Variants in TENM4 observed in about 807,000 individuals in gnomAD.
The protein encoded by TENM4 is teneurin-4.
In TENM4, 82 loss-of-function variants were observed where a neutral mutation model predicts 243.3. That is an observed-to-expected ratio of 0.34 (90% CI 0.28 to 0.40). The LOEUF (loss-of-function observed/expected upper bound fraction) is 0.40, where lower values mean the gene tolerates loss of function less well. Ranked by LOEUF, TENM4 falls within the 10% of genes least tolerant of loss-of-function variation. TENM4 has a pLI of 1.00. For synonymous variants in TENM4, 1,412 were observed against 1,456.3 expected (o/e 0.97, Z 0.69); for missense variants, 3,138 against 3,673.3 (o/e 0.85, Z 3.77).
At chr11:78,894,865 G>A (rs569255109) in intron 7 of TENM4, among the ~76,000 whole-genome samples, 161 of 151,382 alleles carry the variant, frequency 1.1e-3, no homozygotes, top group African/African-American at 3.6e-3. Flanking sequence ...ATGGTGCCAC[G>A]TGCCTGTAGT....
At chr11:79,157,193 A>T (rs894476173) in intron 3 of TENM4, among the ~76,000 whole-genome samples, 1 of 152,146 alleles carries the variant, frequency 6.6e-6, no homozygotes, top group Non-Finnish European at 1.5e-5. Context: ...TGGTCATTCT[A>T]AGTCCCATTT....
intron 3 of TENM4, among the ~76,000 whole-genome samples, chr11:79,173,408 C>A (rs1863090510): frequency 6.6e-6 from 1 of 152,036 alleles, no homozygotes; most frequent in Non-Finnish European, 1.5e-5. Context: ...TTCTTCTTGG[C>A]AGTTGGCAAC....
At chr11:79,214,340 C>G (rs969457773) in intron 3 of TENM4, among the ~76,000 whole-genome samples, 1 of 152,172 alleles carries the variant, frequency 6.6e-6, no homozygotes, top group African/African-American at 2.4e-5. Context: ...ACCTATGTCT[C>G]TACTGCACAG....
At chr11:78,763,628 C>T (rs976808851) in intron 18 of TENM4, among the ~76,000 whole-genome samples, 4 of 152,132 alleles carry the variant, frequency 2.6e-5, no homozygotes, top group African/African-American at 9.7e-5. Flanking sequence ...ACCCGGAGAA[C>T]GAGGGAAAGG....
At chr11:79,163,948 G>C (rs1407701340) in intron 3 of TENM4, among the ~76,000 whole-genome samples, 1 of 135,738 alleles carries the variant, frequency 7.4e-6, no homozygotes, top group Non-Finnish European at 1.5e-5. Flanking sequence ...TATCTATATA[G>C]TACTATATAT....
At chr11:79,351,820 C>A (rs1399381369) in intron 1 of TENM4, among the ~76,000 whole-genome samples, 1 of 152,036 alleles carries the variant, frequency 6.6e-6, no homozygotes, top group Non-Finnish European at 1.5e-5. Flanking sequence ...TCCCTTTTTT[C>A]TGTTGAGGGC....
chr11:78,768,815 C>G (rs776300520), intron 18 of TENM4, among the ~76,000 whole-genome samples: 2 of 152,150 alleles, frequency 1.3e-5, no homozygotes, highest in Admixed American at 6.5e-5. Flanking sequence ...ACCTCTCTCT[C>G]CCCCCGAGCT....
At chr11:79,236,755 C>T (rs1026659938) in intron 2 of TENM4, among the ~76,000 whole-genome samples, 5 of 152,154 alleles carry the variant, frequency 3.3e-5, no homozygotes, top group African/African-American at 9.7e-5. Flanking sequence ...GACTCCCTTG[C>T]GGCGAGACCC....
intron 17 of TENM4, among the ~76,000 whole-genome samples, chr11:78,774,672 G>A (rs1014543530): frequency 1.1e-4 from 17 of 152,196 alleles, no homozygotes; most frequent in Non-Finnish European, 2.4e-4. Context: ...TATGGGGGGA[G>A]TTGGGAAAGT....
chr11:78,746,439 C>T (rs915842845), intron 19 of TENM4, among the ~76,000 whole-genome samples: 1 of 152,268 alleles, frequency 6.6e-6, no homozygotes, highest in East Asian at 1.9e-4. Flanking sequence ...CGTGAGCTCC[C>T]AGGCTGCAGA....
chr11:79,192,498 T>C (rs1373799264), intron 3 of TENM4, among the ~76,000 whole-genome samples: 1 of 152,222 alleles, frequency 6.6e-6, no homozygotes, highest in African/African-American at 2.4e-5. Flanking sequence ...AAACATGTGC[T>C]GTGTCCACTC....
intron 6 of TENM4, chr11:78,903,750 A>G (rs1333501186): frequency 6.7e-6 from 5 of 749,420 alleles, no homozygotes; most frequent in Non-Finnish European, 1.2e-5. Context: ...GTCCCCACTG[A>G]GCTTAAATTC....
At chr11:78,812,062 C>T (rs573805733) in intron 14 of TENM4, 60 bp downstream of exon 14, 1 of 1,511,842 alleles carries the variant, frequency 6.6e-7, no homozygotes, top group Admixed American at 2.0e-5. Flanking sequence ...ACCCTCTTGG[C>T]ACTATATGCC....
chr11:79,269,979 T>C (rs1201630045), intron 2 of TENM4, among the ~76,000 whole-genome samples: 6 of 152,034 alleles, frequency 3.9e-5, no homozygotes, highest in African/African-American at 1.4e-4. Context: ...CCCCTCTTCC[T>C]CCCTCCACTC....
intron 3 of TENM4, among the ~76,000 whole-genome samples, chr11:79,157,407 CTCTT>C (rs2135074156): frequency 6.6e-6 from 1 of 152,258 alleles, no homozygotes; most frequent in African/African-American, 2.4e-5. Flanking sequence ...GTTGCTTTCT[CTCTT>C]TCTTTCATAC....
At chr11:79,028,531 A>C (rs1224019639) in intron 6 of TENM4, among the ~76,000 whole-genome samples, 1 of 152,206 alleles carries the variant, frequency 6.6e-6, no homozygotes, top group African/African-American at 2.4e-5. Context: ...AAATTGGGTC[A>C]AGAAGGTTGG....
intron 4 of TENM4, among the ~76,000 whole-genome samples, chr11:79,085,834 C>A (rs983921162): frequency 1.3e-5 from 2 of 152,212 alleles, no homozygotes; most frequent in Non-Finnish European, 2.9e-5. Context: ...ACTTTACATG[C>A]TGTTTTGGCC....
intron 1 of TENM4, among the ~76,000 whole-genome samples, chr11:79,338,927 AGT>A (rs991499498): frequency 2.0e-5 from 3 of 152,184 alleles, no homozygotes; most frequent in Non-Finnish European, 4.4e-5. Context: ...ATGGAAGTTG[AGT>A]CTACTCTGGA....
chr11:78,704,796 A>G (rs1022576542), intron 27 of TENM4, among the ~76,000 whole-genome samples: 3 of 152,244 alleles, frequency 2.0e-5, no homozygotes, highest in African/African-American at 7.2e-5. Flanking sequence ...GTGGTAGTTT[A>G]CCAATGTAAA....
Sources: allele counts gnomAD v4.1 joint callset (sites outside exome capture counted in the v4.1 genomes callset), GRCh38; gene constraint gnomAD v4.1.1; transcripts MANE v1.5; gene names NCBI Gene and HGNC (gene_info 2026-07-23, HGNC 2026-07-21).